Variants in ADARB2 observed in about 807,000 individuals in gnomAD.
ADARB2 encodes adenosine deaminase RNA specific B2 (inactive).
ADARB2 carries 25 observed loss-of-function variants against 62.2 expected under a neutral mutation model. The observed-to-expected ratio is 0.40, with a 90% CI of 0.29 to 0.56. The LOEUF (loss-of-function observed/expected upper bound fraction) is 0.56. Ranked by LOEUF, ADARB2 falls within the 20% of genes least tolerant of loss-of-function variation. ADARB2 has a pLI of 0.43. For missense variants in ADARB2, 1,071 were observed against 1,077.4 expected (o/e 0.99, Z 0.08); for synonymous variants, 572 against 500.8 (o/e 1.14, Z -1.90).
intron 3 of ADARB2, among the ~76,000 whole-genome samples, chr10:1,284,734 T>C (rs1831398001): frequency 6.6e-6 from 1 of 152,214 alleles, no homozygotes; most frequent in Admixed American, 6.5e-5. Flanking sequence ...CACTACCTGA[T>C]GCTCTTTTGA....
Position 1,193,117 on chromosome 10 carries a change from C to G in ADARB2, c.1864+6849G>C, listed in dbSNP as rs573314593. Reference sequence around the variant, plus strand: ...GTGGAACGGGCCACGCTGGCTGCACCGTCTGTGAATGTCCCGGGTGCAAGT... The same window carrying G: ...GTGGAACGGGCCACGCTGGCTGCACGGTCTGTGAATGTCCCGGGTGCAAGT... On this transcript the variant is annotated intron_variant, in intron 8 of 9. Coordinates refer to ENST00000381312, the MANE Select transcript of ADARB2 (RefSeq NM_018702.4). Among the ~76,000 whole-genome samples, 71 of 152,298 alleles carry G rather than the reference C, an allele frequency of 4.7e-4. 1 individual carries two copies. The South Asian group carries it at 0.014, about 31-fold the overall frequency.
At chr10:1,645,467 A>C (rs1342970359) in intron 1 of ADARB2, among the ~76,000 whole-genome samples, 1 of 152,194 alleles carries the variant, frequency 6.6e-6, no homozygotes, top group Admixed American at 6.5e-5. Context: ...CCACTTTGTT[A>C]CTTCCACATA....
At position 1,580,174 on chromosome 10, in the gene ADARB2, C is replaced by T. The variant is rs186347614; in HGVS notation, c.100+156877G>A. On this transcript the variant is annotated intron_variant, in intron 1 of 9. Transcript: ENST00000381312. ...ACGTGTTTGTTGCACAGGTAAATCG[C>T]GTGTTGCCAGGGTACATTGGTGTAC... 1.2e-3 allele frequency among the ~76,000 whole-genome samples: 181 copies of T among 152,252 alleles called. 1 individual carries two copies. Among genetic ancestry groups the T allele is most frequent in the Non-Finnish European group, 5.0e-4 (34 of 68,038 alleles).
intron 1 of ADARB2, among the ~76,000 whole-genome samples, chr10:1,646,218 C>T (rs1834039559): frequency 6.6e-6 from 1 of 152,216 alleles, no homozygotes; most frequent in South Asian, 2.1e-4. Flanking sequence ...AACGATGTGT[C>T]CTGGGGTCCA....
chr10:1,717,702 C>T (rs1285437432), intron 1 of ADARB2, among the ~76,000 whole-genome samples: 7 of 152,118 alleles, frequency 4.6e-5, no homozygotes, highest in East Asian at 1.9e-4. Context: ...CCCAGACTCC[C>T]GAGTAGCTGG....
chr10:1,431,482 A>T (rs1212102248), intron 1 of ADARB2, among the ~76,000 whole-genome samples: 3 of 152,198 alleles, frequency 2.0e-5, no homozygotes, highest in Non-Finnish European at 4.4e-5. Context: ...ACATATTTAT[A>T]ATTGATCTAG....
intron 1 of ADARB2, among the ~76,000 whole-genome samples, chr10:1,482,555 T>C (rs1347837772): frequency 6.6e-6 from 1 of 152,164 alleles, no homozygotes; most frequent in Non-Finnish European, 1.5e-5. Flanking sequence ...GGGACAGAGT[T>C]TCAGTTTGGA....
intron 4 of ADARB2, among the ~76,000 whole-genome samples, chr10:1,254,271 G>C (rs948979237): frequency 6.6e-6 from 1 of 151,484 alleles, no homozygotes; most frequent in Non-Finnish European, 1.5e-5. Flanking sequence ...TGAGGCAGTA[G>C]TAGTTTCTGG....
At position 1,612,354 on chromosome 10, in the gene ADARB2, C is replaced by T. The variant is rs555379764; in HGVS notation, c.100+124697G>A. 3.9e-5 allele frequency among the ~76,000 whole-genome samples: 6 copies of T among 152,348 alleles called. No homozygotes were observed. The South Asian group carries it at 1.2e-3, about 32-fold the overall frequency. On this transcript the variant is annotated intron_variant, in intron 1 of 9. Transcript: ENST00000381312. The stretch of plus-strand genomic sequence containing the variant: ...ATGGCCGCCCTCCCCAGCCAGGACC[C>T]GAGGCCTGAGCTCCAGAGGGAGGGG...
chr10:1,616,997 A>G (rs1396339293), intron 1 of ADARB2, among the ~76,000 whole-genome samples: 29 of 150,928 alleles, frequency 1.9e-4, no homozygotes, highest in African/African-American at 5.1e-4. Flanking sequence ...TTCTGTCGCT[A>G]GATGTTTGTG....
intron 3 of ADARB2, among the ~76,000 whole-genome samples, chr10:1,358,331 C>G (rs1261007140): frequency 6.6e-6 from 1 of 152,234 alleles, no homozygotes; most frequent in Non-Finnish European, 1.5e-5. Flanking sequence ...ACCTGCTGTG[C>G]CCTCAGCCCT....
chr10:1,234,212 C>T (rs11250352), intron 5 of ADARB2, among the ~76,000 whole-genome samples: 8,637 of 151,954 alleles, frequency 0.057, 811 homozygotes, highest in African/African-American at 0.2. Context: ...TTGTCTTGAA[C>T]TCCCAGCCTC....
intron 1 of ADARB2, among the ~76,000 whole-genome samples, chr10:1,462,352 AG>A (rs1360537750): frequency 1.3e-5 from 2 of 152,242 alleles, no homozygotes; most frequent in African/African-American, 4.8e-5. Context: ...AGTGGCAAAA[AG>A]CAAATTATTA....
At chr10:1,705,568 A>C (rs1027089568) in intron 1 of ADARB2, among the ~76,000 whole-genome samples, 2 of 152,242 alleles carry the variant, frequency 1.3e-5, no homozygotes, top group Non-Finnish European at 2.9e-5. Context: ...GATTGTTTAC[A>C]GACAGTTTTG....
intron 1 of ADARB2, among the ~76,000 whole-genome samples, chr10:1,400,953 G>A (rs1019616332): frequency 6.6e-6 from 1 of 152,186 alleles, no homozygotes; most frequent in African/African-American, 2.4e-5. Flanking sequence ...CAAGGCAGGA[G>A]GGAAGAAGGC....
chr10:1,571,922 A>C (rs1214936462), intron 1 of ADARB2, among the ~76,000 whole-genome samples: 1 of 136,498 alleles, frequency 7.3e-6, no homozygotes, highest in Admixed American at 7.4e-5. Context: ...GTGAGTAGGC[A>C]GGTGATATGC....
chr10:1,547,206 G>C (rs904171888), intron 1 of ADARB2, among the ~76,000 whole-genome samples: 3 of 148,578 alleles, frequency 2.0e-5, no homozygotes, highest in Non-Finnish European at 4.4e-5. Context: ...CTGTGGGGAG[G>C]GGGAGAGAGG....
intron 2 of ADARB2, among the ~76,000 whole-genome samples, chr10:1,365,637 G>T (rs1437103470): frequency 6.6e-6 from 1 of 152,160 alleles, no homozygotes; most frequent in East Asian, 1.9e-4. Flanking sequence ...ATGTCGCAGT[G>T]TTTTCAGGTA....
chr10:1,358,515 G>C (rs1451267675), intron 3 of ADARB2, among the ~76,000 whole-genome samples: 1 of 152,068 alleles, frequency 6.6e-6, no homozygotes, highest in Non-Finnish European at 1.5e-5. Flanking sequence ...TGCCTTTTCC[G>C]CTGCCCAGGG....
Sources: allele counts gnomAD v4.1 joint callset (sites outside exome capture counted in the v4.1 genomes callset), GRCh38; gene constraint gnomAD v4.1.1; transcripts MANE v1.5; gene names NCBI Gene and HGNC (gene_info 2026-07-23, HGNC 2026-07-21).